The following CNOT2 variants were observed in gnomAD, a reference collection of about 807,000 sequenced individuals.
The protein encoded by CNOT2 is CC chemokine receptor 4-negative regulator of transcription 2.
In CNOT2, 7 loss-of-function variants were observed where a neutral mutation model predicts 72.1. The ratio of observed to expected loss-of-function variants is 0.10; its 90% CI spans 0.06 to 0.18. CNOT2 has a LOEUF of 0.18. Among genes scored for constraint, CNOT2 ranks in the 10% least tolerant of loss-of-function variants. The probability of loss-of-function intolerance (pLI) is 1.00; values close to 1 mark genes in which losing one functional copy is unlikely to be tolerated. For synonymous variants in CNOT2, 196 were observed against 225.6 expected, an observed-to-expected ratio of 0.87 and a Z score of 1.17; for missense variants, 345 against 660.3, an observed-to-expected ratio of 0.52 and a Z score of 5.23.
At chr12:70,325,122 C>A (rs979294571) in intron 4 of CNOT2, among the ~76,000 whole-genome samples, 1 of 151,728 alleles carries the variant, frequency 6.6e-6, no homozygotes, top group Non-Finnish European at 1.5e-5. Context: ...GGAAAGTATT[C>A]TTGCTGAGGA....
intron 1 of CNOT2, among the ~76,000 whole-genome samples, chr12:70,252,111 A>T (rs2135704675): frequency 6.6e-6 from 1 of 152,354 alleles, no homozygotes; most frequent in African/African-American, 2.4e-5. Context: ...GCAGAAACAA[A>T]TCCTAAATTA....
chr12:70,334,925 T>C (rs1384765214), intron 7 of CNOT2: 1 of 153,870 alleles, frequency 6.5e-6, no homozygotes, highest in African/African-American at 2.4e-5. Context: ...CGTTTGTATA[T>C]GAAAGCGGTC....
intron 1 of CNOT2, among the ~76,000 whole-genome samples, chr12:70,253,348 C>T (rs1958243455): frequency 6.6e-6 from 1 of 152,178 alleles, no homozygotes; most frequent in South Asian, 2.1e-4. Context: ...AAATATGACC[C>T]TGTAAAACTC....
At chr12:70,307,888 G>C (rs1365159119) in intron 2 of CNOT2, 1 of 146,062 alleles carries the variant, frequency 6.8e-6, no homozygotes, top group Non-Finnish European at 1.5e-5. Context: ...TCATGGAGTA[G>C]CTAGGACCTT....
chr12:70,274,488 T>C (rs1175399878), intron 1 of CNOT2, among the ~76,000 whole-genome samples: 2 of 152,074 alleles, frequency 1.3e-5, no homozygotes, highest in African/African-American at 2.4e-5. Flanking sequence ...AAATTCATAT[T>C]TTAACTTTGA....
intron 4 of CNOT2, chr12:70,322,882 T>C (rs1878515754): frequency 6.6e-6 from 1 of 151,846 alleles, no homozygotes. Context: ...TGCTTAGTAA[T>C]AAGTACAGAG....
intron 3 of CNOT2, among the ~76,000 whole-genome samples, chr12:70,313,174 A>G (rs78138667): frequency 1.7e-3 from 260 of 152,120 alleles, no homozygotes; most frequent in African/African-American, 6.2e-3. Context: ...TCTTTTCCAT[A>G]TAGTTATTGG....
chr12:70,291,087 A>T (rs906830707), intron 2 of CNOT2, among the ~76,000 whole-genome samples: 1 of 152,216 alleles, frequency 6.6e-6, no homozygotes, highest in Non-Finnish European at 1.5e-5. Context: ...AATTTAACTT[A>T]AAAATTGGAC....
At chr12:70,310,573 T>G (rs939730055) in intron 2 of CNOT2, among the ~76,000 whole-genome samples, 2 of 152,028 alleles carry the variant, frequency 1.3e-5, no homozygotes, top group Non-Finnish European at 2.9e-5. Flanking sequence ...AAACCTAAAC[T>G]TAATTTTTAA....
At position 70,287,993 on chromosome 12, in the gene CNOT2, T is replaced by C. The variant is rs1871188083; in HGVS notation, c.48+9719T>C. ...TATTAGCTTGAGGTTGCAGTCCACA[T>C]AGGCAATGTGAATTTATGCTTTTTT... On this transcript the variant is annotated intron_variant, in intron 2 of 15. Transcript: ENST00000229195. 1.3e-5 allele frequency among the ~76,000 whole-genome samples: 2 copies of C among 149,854 alleles called. 1 individual carries two copies. Among genetic ancestry groups the C allele is most frequent in the Admixed American group, 1.4e-4 (2 of 14,604 alleles).
At chr12:70,271,326 C>T (rs1959214253) in intron 1 of CNOT2, among the ~76,000 whole-genome samples, 1 of 150,208 alleles carries the variant, frequency 6.7e-6, no homozygotes, top group African/African-American at 2.5e-5. Flanking sequence ...AAATCAATTA[C>T]TGACAAGAGG....
At chr12:70,336,582 G>C (rs1880732507) in intron 8 of CNOT2, 2 of 151,856 alleles carry the variant, frequency 1.3e-5, no homozygotes, top group South Asian at 4.2e-4. Flanking sequence ...AACAGTATAT[G>C]AAGAAGGGAA....
chr12:70,332,616 GAT>G (rs1235235411), intron 6 of CNOT2, 149 bp from the exon 7 acceptor site: 2 of 1,136,856 alleles, frequency 1.8e-6, no homozygotes, highest in African/African-American at 3.2e-5. Flanking sequence ...TTCAAGTAAA[GAT>G]AAAGAATAGA....
intron 2 of CNOT2, chr12:70,297,805 T>G: frequency 3.1e-6 from 1 of 327,560 alleles, no homozygotes; most frequent in Non-Finnish European, 6.0e-6. Context: ...TGGCGTCATC[T>G]TGGCTCACTG....
chr12:70,327,155 C>A (rs556566980), intron 4 of CNOT2, among the ~76,000 whole-genome samples: 1 of 151,764 alleles, frequency 6.6e-6, no homozygotes, highest in African/African-American at 2.4e-5. Flanking sequence ...GCCAAAAGGG[C>A]ACTAATTTTT....
At chr12:70,273,472 T>A (rs78086719) in intron 1 of CNOT2, among the ~76,000 whole-genome samples, 2 of 151,998 alleles carry the variant, frequency 1.3e-5, no homozygotes, top group African/African-American at 4.8e-5. Flanking sequence ...CATGCAGATA[T>A]ATTATTTTCA....
chr12:70,296,464 CTTAT>C (rs1872811998), intron 2 of CNOT2, among the ~76,000 whole-genome samples: 1 of 151,986 alleles, frequency 6.6e-6, no homozygotes, highest in African/African-American at 2.4e-5. Flanking sequence ...ATGAGTTGCT[CTTAT>C]TTGTTTCCAT....
chr12:70,269,445 G>C (rs543476834), intron 1 of CNOT2, among the ~76,000 whole-genome samples: 8 of 152,040 alleles, frequency 5.3e-5, no homozygotes, highest in Admixed American at 1.3e-4. Context: ...CTCAATAATA[G>C]TTTACATGTG....
At chr12:70,302,830 A>G (rs1332601392) in intron 2 of CNOT2, among the ~76,000 whole-genome samples, 1 of 152,160 alleles carries the variant, frequency 6.6e-6, no homozygotes, top group Non-Finnish European at 1.5e-5. Flanking sequence ...AAAGTCTCCC[A>G]TTATTATTGT....
Sources: allele counts gnomAD v4.1 joint callset (sites outside exome capture counted in the v4.1 genomes callset), GRCh38; gene constraint gnomAD v4.1.1; transcripts MANE v1.5; gene names NCBI Gene and HGNC (gene_info 2026-07-23, HGNC 2026-07-21).